The following IQCJ variants were observed in gnomAD, a reference collection of about 807,000 sequenced individuals.
IQCJ encodes the protein IQ domain-containing protein J.
Under a neutral mutation model 11.0 loss-of-function variants are expected in IQCJ, and 9 were observed. That is an observed-to-expected ratio of 0.82 (90% CI 0.49 to 1.43). The LOEUF is 1.43. Ranked by LOEUF, IQCJ falls within the 40% of genes most tolerant of loss-of-function variation. The pLI, the probability that IQCJ is intolerant of heterozygous loss-of-function variation, is 0.00. For synonymous variants in IQCJ, 55 were observed against 51.3 expected (o/e 1.07, Z -0.31); for missense variants, 146 against 133.2 (o/e 1.10, Z -0.47).
intron 1 of IQCJ, among the ~76,000 whole-genome samples, chr3:159,134,025 T>A (rs1341307683): frequency 7.3e-6 from 1 of 137,226 alleles, no homozygotes; most frequent in Non-Finnish European, 1.7e-5. Flanking sequence ...CAGGCAGAAT[T>A]ATTTTTCTTG....
intron 1 of IQCJ, among the ~76,000 whole-genome samples, chr3:159,239,555 T>A (rs1467948383): frequency 6.6e-6 from 1 of 152,206 alleles, no homozygotes; most frequent in Non-Finnish European, 1.5e-5. Flanking sequence ...CTAATCATGA[T>A]GCAGGGGGAA....
chr3:159,167,886 A>G (rs1722262439), intron 1 of IQCJ, among the ~76,000 whole-genome samples: 1 of 152,234 alleles, frequency 6.6e-6, no homozygotes, highest in African/African-American at 2.4e-5. Flanking sequence ...GACAAGAGAT[A>G]AAACTTAATT....
intron 1 of IQCJ, among the ~76,000 whole-genome samples, chr3:159,131,557 C>T (rs1187128822): frequency 1.3e-5 from 2 of 152,124 alleles, no homozygotes; most frequent in South Asian, 2.1e-4. Context: ...ATAAACCCTC[C>T]TAGATGGTGC....
intron 1 of IQCJ, among the ~76,000 whole-genome samples, chr3:159,086,605 T>C (rs1221603984): frequency 6.6e-6 from 1 of 151,928 alleles, no homozygotes; most frequent in Non-Finnish European, 1.5e-5. Context: ...AGCAGTGGTT[T>C]GTAGTTCTCC....
chr3:159,132,592 T>C (rs1386859909), intron 1 of IQCJ, among the ~76,000 whole-genome samples: 4 of 152,202 alleles, frequency 2.6e-5, no homozygotes, highest in African/African-American at 9.6e-5. Flanking sequence ...TTGGATGCTT[T>C]AGACTCCTGG....
At position 159,201,515 on chromosome 3, in the gene IQCJ, G is replaced by C. The variant is rs866562790; in HGVS notation, c.10-44328G>C. Among the ~76,000 whole-genome samples the C allele has an allele frequency of 5.5e-3, 814 of 148,652 alleles. 4 individuals carry two copies. Among genetic ancestry groups the C allele is most frequent in the African/African-American group, 0.013 (514 of 40,576 alleles). ...TGGGTGATTCTTTGTGTATCTCTGT[G>C]TGTGTGTGTGTGTGTGTGTGTGTAA... On this transcript the variant is annotated intron_variant, in intron 1 of 3. Coordinates refer to ENST00000397832, the MANE Select transcript of IQCJ (RefSeq NM_001042706.3).
At chr3:159,142,424 C>T (rs35326732) in intron 1 of IQCJ, among the ~76,000 whole-genome samples, 100,812 of 145,878 alleles carry the variant, frequency 0.69, 33,865 homozygotes, top group East Asian at 0.71. Context: ...CAGGTCTTTT[C>T]CCCCCCCCAC....
intron 1 of IQCJ, among the ~76,000 whole-genome samples, chr3:159,078,563 T>C (rs1161652901): frequency 2.0e-5 from 3 of 151,394 alleles, no homozygotes; most frequent in African/African-American, 7.3e-5. Context: ...TTTTTTTTTT[T>C]GCCACCAGCA....
At chr3:159,112,801 G>C (rs1277753266) in intron 1 of IQCJ, among the ~76,000 whole-genome samples, 1 of 152,146 alleles carries the variant, frequency 6.6e-6, no homozygotes, top group East Asian at 1.9e-4. Flanking sequence ...ATGTAGCCCA[G>C]ATTACTAGCT....
chr3:159,121,707 A>C (rs2108142194), intron 1 of IQCJ, among the ~76,000 whole-genome samples: 1 of 152,288 alleles, frequency 6.6e-6, no homozygotes, highest in African/African-American at 2.4e-5. Context: ...AAGCCTTTTG[A>C]AACACATTTT....
chr3:159,181,156 GTGGACA>G (rs1723069672), intron 1 of IQCJ, among the ~76,000 whole-genome samples: 1 of 151,636 alleles, frequency 6.6e-6, no homozygotes, highest in South Asian at 2.1e-4. Context: ...ACCATGTCTG[GTGGACA>G]TGTTTCAGTC....
intron 2 of IQCJ, among the ~76,000 whole-genome samples, chr3:159,249,936 G>T (rs571986047): frequency 9.3e-6 from 1 of 108,004 alleles, no homozygotes; most frequent in South Asian, 2.7e-4. Context: ...CGAGCTTAGC[G>T]AAGCTTGGCA....
At chr3:159,203,674 C>T (rs1018092338) in intron 1 of IQCJ, among the ~76,000 whole-genome samples, 5 of 151,824 alleles carry the variant, frequency 3.3e-5, no homozygotes, top group South Asian at 2.1e-4. Flanking sequence ...GAGAGAGAAG[C>T]GGGGAGGTGG....
intron 1 of IQCJ, among the ~76,000 whole-genome samples, chr3:159,178,038 C>A (rs1722882451): frequency 6.6e-6 from 1 of 152,188 alleles, no homozygotes; most frequent in African/African-American, 2.4e-5. Flanking sequence ...ATTTTTATAA[C>A]TCGCTCTTCT....
intron 1 of IQCJ, among the ~76,000 whole-genome samples, chr3:159,154,901 CT>C (rs1721428985): frequency 6.6e-6 from 1 of 152,026 alleles, no homozygotes; most frequent in Non-Finnish European, 1.5e-5. Flanking sequence ...CCTGCCTCTC[CT>C]TCCTCTCCCT....
intron 1 of IQCJ, among the ~76,000 whole-genome samples, chr3:159,120,333 T>C (rs1030036176): frequency 6.6e-6 from 1 of 152,242 alleles, no homozygotes; most frequent in Non-Finnish European, 1.5e-5. Context: ...CTCTGCTTCA[T>C]AGTTCAGGGA....
intron 1 of IQCJ, among the ~76,000 whole-genome samples, chr3:159,184,027 A>G (rs1462667602): frequency 6.6e-6 from 1 of 151,408 alleles, no homozygotes; most frequent in East Asian, 1.9e-4. Flanking sequence ...TAAAACCTAA[A>G]TCAGGCCCTT....
chr3:159,248,300 G>A (rs1727392164), intron 2 of IQCJ, among the ~76,000 whole-genome samples: 1 of 152,174 alleles, frequency 6.6e-6, no homozygotes. Flanking sequence ...ACGATCCTAA[G>A]AATCTGGCAT....
At position 159,262,884 on chromosome 3, in the gene IQCJ, A is replaced by G. The variant is rs1728298666; in HGVS notation, c.*153A>G. The G allele has an allele frequency of 7.2e-7, 1 of 1,396,702 alleles. No individual in the cohort carries two copies. Among genetic ancestry groups the G allele is most frequent in the Non-Finnish European group, 9.3e-7 (1 of 1,072,662 alleles). 86.5% of individuals were successfully genotyped at this position (1,396,702 alleles called of 1,614,324 possible). ...GACACAATTCATAAGCACAAAGTGA[A>G]CTTTATCAAGTCTGGAGAAAATAGA... On this transcript the variant is annotated 3_prime_UTR_variant, in exon 4 of 4. Coordinates refer to ENST00000397832, the MANE Select transcript of IQCJ (RefSeq NM_001042706.3).
Sources: gnomAD v4.1 joint callset for allele counts (sites outside exome capture counted in the v4.1 genomes callset) on GRCh38, gnomAD v4.1.1 for gene constraint, MANE v1.5 for transcripts, NCBI Gene and HGNC (gene_info 2026-07-23, HGNC 2026-07-21) for gene names.